Variants in CTNND2 observed in about 807,000 individuals in gnomAD.
CTNND2 encodes the protein catenin delta 2, also known as catenin delta-2.
Under a neutral mutation model 144.4 loss-of-function variants are expected in CTNND2, and 22 were observed. The observed-to-expected ratio is 0.15, with a 90% confidence interval of 0.11 to 0.22. The LOEUF (loss-of-function observed/expected upper bound fraction) is 0.22, where lower values mean the gene tolerates loss of function less well. Among genes scored for constraint, CTNND2 ranks in the 10% least tolerant of loss-of-function variants. CTNND2 has a pLI of 1.00. For synonymous variants in CTNND2, 751 were observed against 695.6 expected (o/e 1.08, Z -1.25); for missense variants, 1,353 against 1,618.8 (o/e 0.84, Z 2.82).
chr5:11,765,315 G>C (rs1393216015), intron 1 of CTNND2, among the ~76,000 whole-genome samples: 1 of 152,220 alleles, frequency 6.6e-6, no homozygotes, highest in African/African-American at 2.4e-5. Context: ...AGCCGCTCAG[G>C]GGGAAGGTGG....
At chr5:11,589,825 A>G (rs1309477696) in intron 2 of CTNND2, among the ~76,000 whole-genome samples, 1 of 152,212 alleles carries the variant, frequency 6.6e-6, no homozygotes, top group Admixed American at 6.5e-5. Flanking sequence ...TATTTAAAAC[A>G]GAGGTAACGC....
rs369088211 is a variant in CTNND2, at chr5:11,077,932, G to GGAGAA, written c.2788+4763_2788+4764insTTCTC. 0.035 allele frequency among the ~76,000 whole-genome samples: 5,260 copies of GGAGAA among 152,266 alleles called. 409 individuals carry two copies. The East Asian group carries it at 0.37, about 11-fold the overall frequency. ...TCCCAGGTCTCTGCAAGAATAACTGGTCATTTTCTGGGGGAATACTATGGA... is the reference window on the plus strand; with the variant it reads ...TCCCAGGTCTCTGCAAGAATAACTGGGAGAATCATTTTCTGGGGGAATACTATGGA... On this transcript the variant is annotated intron_variant, in intron 16 of 21. Coordinates refer to ENST00000304623, the MANE Select transcript of CTNND2 (RefSeq NM_001332.4).
chr5:11,102,168 T>C (rs1033512380), intron 14 of CTNND2, among the ~76,000 whole-genome samples: 2 of 152,220 alleles, frequency 1.3e-5, no homozygotes, highest in African/African-American at 4.8e-5. Context: ...TCATCTGTTA[T>C]ATTTTAACGA....
intron 12 of CTNND2, among the ~76,000 whole-genome samples, 188 bp from the exon 13 acceptor site, chr5:11,117,755 C>T (rs1180842965): frequency 6.6e-6 from 1 of 152,134 alleles, no homozygotes; most frequent in African/African-American, 2.4e-5. Context: ...TTGGGTAAGT[C>T]ACAGATGTCT....
At chr5:11,191,745 G>C (rs1017622510) in intron 11 of CTNND2, among the ~76,000 whole-genome samples, 13 of 152,152 alleles carry the variant, frequency 8.5e-5, no homozygotes, top group African/African-American at 3.1e-4. Context: ...CTAGGTCCTG[G>C]CCAGGAATAA....
At chr5:11,801,234 A>G (rs1389058846) in intron 1 of CTNND2, among the ~76,000 whole-genome samples, 1 of 152,190 alleles carries the variant, frequency 6.6e-6, no homozygotes, top group Non-Finnish European at 1.5e-5. Flanking sequence ...AAGTTTGCAC[A>G]GTGGTTTTAT....
chr5:11,301,530 A>G (rs2150033523), intron 9 of CTNND2, among the ~76,000 whole-genome samples: 1 of 152,322 alleles, frequency 6.6e-6, no homozygotes, highest in African/African-American at 2.4e-5. Context: ...GGAGAACTTC[A>G]TCAAGCTTTA....
chr5:10,984,282 A>C (rs550177202), intron 20 of CTNND2, among the ~76,000 whole-genome samples: 1 of 152,154 alleles, frequency 6.6e-6, no homozygotes, highest in African/African-American at 2.4e-5. Context: ...ACACCCATAG[A>C]GTAAGTGCCC....
intron 10 of CTNND2, among the ~76,000 whole-genome samples, chr5:11,227,796 T>C (rs1561053110): frequency 6.6e-6 from 1 of 152,174 alleles, no homozygotes; most frequent in African/African-American, 2.4e-5. Context: ...ATAAATGATA[T>C]AAGTATATTG....
intron 3 of CTNND2, among the ~76,000 whole-genome samples, chr5:11,474,605 C>G (rs1368708481): frequency 6.6e-6 from 1 of 152,116 alleles, no homozygotes; most frequent in Non-Finnish European, 1.5e-5. Flanking sequence ...ACAGAAGACA[C>G]CAACGCAGGT....
chr5:11,263,982 C>G (rs995820070), intron 9 of CTNND2, among the ~76,000 whole-genome samples: 3 of 152,186 alleles, frequency 2.0e-5, no homozygotes, highest in Non-Finnish European at 4.4e-5. Flanking sequence ...TCTGGTGGCA[C>G]GTCATCTGTA....
intron 1 of CTNND2, among the ~76,000 whole-genome samples, chr5:11,829,732 A>G (rs1793794503): frequency 6.6e-6 from 1 of 152,230 alleles, no homozygotes. Flanking sequence ...GGCCCCATAC[A>G]GAGTCCCTAC....
At chr5:11,356,599 A>C (rs1421007574) in intron 8 of CTNND2, among the ~76,000 whole-genome samples, 1 of 152,142 alleles carries the variant, frequency 6.6e-6, no homozygotes, top group Non-Finnish European at 1.5e-5. Flanking sequence ...AACAACTAGA[A>C]GAAAACATAG....
intron 7 of CTNND2, among the ~76,000 whole-genome samples, chr5:11,380,607 A>C (rs1263156224): frequency 6.6e-6 from 1 of 152,188 alleles, no homozygotes. Flanking sequence ...TTTTAAACCT[A>C]TCCAGGGATC....
At chr5:11,178,577 G>A (rs552780616) in intron 11 of CTNND2, among the ~76,000 whole-genome samples, 1 of 152,278 alleles carries the variant, frequency 6.6e-6, no homozygotes, top group South Asian at 2.1e-4. Flanking sequence ...GATTAACAAT[G>A]CGTCATAATG....
intron 3 of CTNND2, among the ~76,000 whole-genome samples, chr5:11,537,838 A>G (rs1430319230): frequency 1.3e-5 from 2 of 152,254 alleles, no homozygotes; most frequent in Non-Finnish European, 2.9e-5. Context: ...ATACCTATTC[A>G]CAAACTACTT....
chr5:11,041,352 G>T (rs904975994), intron 16 of CTNND2, among the ~76,000 whole-genome samples: 1 of 152,126 alleles, frequency 6.6e-6, no homozygotes, highest in Non-Finnish European at 1.5e-5. Flanking sequence ...TATAAAAATG[G>T]CAGGTATAAT....
chr5:11,044,977 T>G (rs571566518), intron 16 of CTNND2, among the ~76,000 whole-genome samples: 1 of 152,350 alleles, frequency 6.6e-6, no homozygotes, highest in African/African-American at 2.4e-5. Context: ...TGTGACTGCT[T>G]CAGTGGATTA....
intron 2 of CTNND2, among the ~76,000 whole-genome samples, chr5:11,606,070 G>A (rs537622015): frequency 1.3e-5 from 2 of 152,264 alleles, no homozygotes; most frequent in South Asian, 4.1e-4. Flanking sequence ...CAGAATAGGA[G>A]GTAAGAGAGA....
Sources: gnomAD v4.1 joint callset for allele counts (sites outside exome capture counted in the v4.1 genomes callset) on GRCh38, gnomAD v4.1.1 for gene constraint, MANE v1.5 for transcripts, NCBI Gene and HGNC (gene_info 2026-07-23, HGNC 2026-07-21) for gene names.